The following TGFBR3 variants were observed in gnomAD, a reference collection of about 807,000 sequenced individuals.
TGFBR3 encodes transforming growth factor beta receptor 3, also known as transforming growth factor beta receptor type 3.
A neutral mutation model predicts 87.9 loss-of-function variants in TGFBR3; 46 were observed. The observed-to-expected ratio is 0.52, with a 90% CI of 0.41 to 0.67. The LOEUF (loss-of-function observed/expected upper bound fraction) is 0.67, where lower values mean the gene tolerates loss of function less well. Among genes scored for constraint, TGFBR3 ranks in the 30% least tolerant of loss-of-function variants. The pLI is 0.00. For missense variants in TGFBR3, 866 were observed against 1,041.9 expected (o/e 0.83, Z 2.32); for synonymous variants, 381 against 391.6 (o/e 0.97, Z 0.32).
At chr1:91,821,142 C>A (rs1276551796) in intron 2 of TGFBR3, among the ~76,000 whole-genome samples, 1 of 151,890 alleles carries the variant, frequency 6.6e-6, no homozygotes, top group Non-Finnish European at 1.5e-5. Flanking sequence ...GCAACCTGGC[C>A]AACATGGTGA....
At chr1:91,834,247 C>T (rs1676973845) in intron 2 of TGFBR3, among the ~76,000 whole-genome samples, 1 of 152,226 alleles carries the variant, frequency 6.6e-6, no homozygotes, top group African/African-American at 2.4e-5. Context: ...ATTCTGATAG[C>T]ATGGTGTCTC....
chr1:91,901,077 T>C (rs2101349934), intron 1 of TGFBR3, among the ~76,000 whole-genome samples: 1 of 152,320 alleles, frequency 6.6e-6, no homozygotes, highest in South Asian at 2.1e-4. Flanking sequence ...TATGCCATTT[T>C]CCATAGCAGC....
chr1:91,734,872 C>G lies in TGFBR3; in HGVS notation c.472G>C (p.Glu158Gln), dbSNP rs753625720. ...TTTCGGGCCCAATTTAACAGATGTT[C>G]ATTTCCATGGGGGAAGTTCCTTTCT... is the stretch of plus-strand genomic sequence containing the variant. The part of the protein sequence containing the change: ...TEERNFPHGN[E>Q]HLLNWARKEY... The change falls in exon 5 of 17, where the codon GAA becomes CAA. Residue 158 changes from glutamate (E) to glutamine (Q), a missense_variant. Glu to Gln is a conservative substitution (Grantham distance 29). Transcript: ENST00000212355. The G allele has an allele frequency of 6.2e-7, 1 of 1,614,196 alleles. No homozygotes were observed. The highest frequency in any genetic ancestry group is 2.2e-5 in the East Asian group (1 of 44,888).
intron 5 of TGFBR3, among the ~76,000 whole-genome samples, chr1:91,731,484 C>T (rs1672765633): frequency 2.0e-5 from 3 of 152,208 alleles, no homozygotes; most frequent in Admixed American, 2.0e-4. Context: ...TCCACTGACT[C>T]AGGCTGCTAG....
At chr1:91,696,533 TG>T (rs1671440551) in intron 15 of TGFBR3, among the ~76,000 whole-genome samples, 1 of 152,232 alleles carries the variant, frequency 6.6e-6, no homozygotes, top group Non-Finnish European at 1.5e-5. Flanking sequence ...TTTCTCCATT[TG>T]GCAAAGGTTT....
intron 7 of TGFBR3, among the ~76,000 whole-genome samples, chr1:91,723,300 A>G (rs1236573324): frequency 2.0e-5 from 3 of 151,852 alleles, no homozygotes; most frequent in Non-Finnish European, 4.4e-5. Flanking sequence ...TGGGTAACAC[A>G]GGAAGATCCC....
chr1:91,896,588 T>C (rs144802725), intron 2 of TGFBR3, among the ~76,000 whole-genome samples: 11 of 152,288 alleles, frequency 7.2e-5, no homozygotes, highest in Non-Finnish European at 1.5e-4. Context: ...CCTGTTCACA[T>C]AGAGTAAATA....
chr1:91,826,819 AGG>A (rs976799775), intron 2 of TGFBR3, among the ~76,000 whole-genome samples: 9 of 151,254 alleles, frequency 6.0e-5, no homozygotes, highest in Non-Finnish European at 1.5e-5. Context: ...CCTACAGAGC[AGG>A]GGGCCAGGAG....
At chr1:91,706,281 G>A (rs1671796983) in intron 14 of TGFBR3, among the ~76,000 whole-genome samples, 1 of 152,124 alleles carries the variant, frequency 6.6e-6, no homozygotes, top group African/African-American at 2.4e-5. Context: ...GGGAGAGAAG[G>A]TCACAAGATA....
chr1:91,809,090 T>C (rs751907095), intron 2 of TGFBR3, among the ~76,000 whole-genome samples: 1 of 152,182 alleles, frequency 6.6e-6, no homozygotes, highest in Non-Finnish European at 1.5e-5. Flanking sequence ...CATAAAAAAA[T>C]TACAACTTAA....
chr1:91,712,122 A>T, intron 13 of TGFBR3, 121 bp downstream of exon 13: 1 of 845,904 alleles, frequency 1.2e-6, no homozygotes, highest in Non-Finnish European at 2.0e-6. Flanking sequence ...TAGTGACTTT[A>T]ATATTTCAGT....
At chr1:91,803,397 G>C (rs1332513162) in intron 2 of TGFBR3, among the ~76,000 whole-genome samples, 1 of 152,174 alleles carries the variant, frequency 6.6e-6, no homozygotes, top group East Asian at 1.9e-4. Flanking sequence ...CTGACTGCTG[G>C]TTGGAATGTG....
chr1:91,858,626 A>C (rs923421158), intron 2 of TGFBR3, among the ~76,000 whole-genome samples: 2 of 151,006 alleles, frequency 1.3e-5, no homozygotes, highest in African/African-American at 4.9e-5. Flanking sequence ...AAAAAAAAAA[A>C]AAAAAAACAA....
At chr1:91,773,918 T>G (rs1674474085) in intron 3 of TGFBR3, among the ~76,000 whole-genome samples, 1 of 152,196 alleles carries the variant, frequency 6.6e-6, no homozygotes. Flanking sequence ...AATTAAATAA[T>G]GTTTGTTTTA....
At chr1:91,852,879 G>A (rs1380137706) in intron 2 of TGFBR3, among the ~76,000 whole-genome samples, 2 of 152,066 alleles carry the variant, frequency 1.3e-5, no homozygotes, top group African/African-American at 4.8e-5. Context: ...TAAAGGCCAG[G>A]CATGATGGCT....
intron 3 of TGFBR3, among the ~76,000 whole-genome samples, chr1:91,763,927 T>C (rs578065525): frequency 1.3e-5 from 2 of 152,202 alleles, no homozygotes; most frequent in Non-Finnish European, 2.9e-5. Context: ...CTTCACCATT[T>C]GGGAATTGGC....
intron 2 of TGFBR3, among the ~76,000 whole-genome samples, chr1:91,897,511 A>G (rs1679577416): frequency 6.6e-6 from 1 of 152,226 alleles, no homozygotes; most frequent in African/African-American, 2.4e-5. Context: ...CAACCTCATA[A>G]TTACATGATT....
At chr1:91,889,858 T>C (rs1215258476), upstream of TGFBR3, among the ~76,000 whole-genome samples, 1 of 151,924 alleles carries the variant, frequency 6.6e-6, no homozygotes, top group African/African-American at 2.4e-5. Context: ...TATTTGTATT[T>C]TCAGTAGAGA....
In TGFBR3 at chr1:91,680,990, T is replaced by A. The variant is rs1670890222; in HGVS notation, c.*2749A>T. 6.6e-6 allele frequency: 3 copies of A among 454,086 alleles called. No homozygotes were observed. The highest frequency in any genetic ancestry group is 1.3e-5 in the Non-Finnish European group (3 of 226,792). 28.1% of individuals were successfully genotyped at this position (454,086 alleles called of 1,614,324 possible). A position where few individuals can be genotyped will look rare whatever the true frequency, so the allele number is the denominator to read the frequency against. On this transcript the variant is annotated 3_prime_UTR_variant, in exon 17 of 17. Coordinates refer to ENST00000212355, the MANE Select transcript of TGFBR3 (RefSeq NM_003243.5). ...AAGCTATAGCGTATTATACAGACAA[T>A]CTGCCTTGGAGTTTGGGGCATTTTA...
Sources: gnomAD v4.1 joint callset for allele counts (sites outside exome capture counted in the v4.1 genomes callset) on GRCh38, gnomAD v4.1.1 for gene constraint, MANE v1.5 for transcripts, NCBI Gene and HGNC (gene_info 2026-07-23, HGNC 2026-07-21) for gene names.